RPL23A: variants seen among roughly 807,000 people sequenced by gnomAD.
RPL23A encodes the protein ribosomal protein L23a.
RPL23A carries 2 observed loss-of-function variants against 17.6 expected under a neutral mutation model. The observed-to-expected ratio is 0.11, with a 90% CI of 0.05 to 0.36. The LOEUF (loss-of-function observed/expected upper bound fraction) is 0.36, where lower values mean the gene tolerates loss of function less well. Ranked by LOEUF, RPL23A falls within the 10% of genes least tolerant of loss-of-function variation. The pLI is 1.00. For synonymous variants in RPL23A, 65 were observed against 74.3 expected, an observed-to-expected ratio of 0.87 and a Z score of 0.65; for missense variants, 132 against 194.4, an observed-to-expected ratio of 0.68 and a Z score of 1.91.
At chr17:28,723,076 T>C (rs1218025632) in intron 3 of RPL23A, among the ~76,000 whole-genome samples, 177 bp downstream of exon 3, 4 of 150,608 alleles carry the variant, frequency 2.7e-5, no homozygotes, top group Admixed American at 2.0e-4. Flanking sequence ...GATTGCCCCA[T>C]TGTACTCCAG....
intron 1 of RPL23A, 183 bp downstream of exon 1, chr17:28,720,213 G>T (rs2034081906): frequency 1.3e-6 from 2 of 1,535,912 alleles, no homozygotes; most frequent in Non-Finnish European, 1.8e-6. Flanking sequence ...GCTGAGTTCC[G>T]GTAGAGGGAG....
At chr17:28,720,347 C>T in intron 1 of RPL23A, 2 of 1,552,238 alleles carry the variant, frequency 1.3e-6, no homozygotes, top group Non-Finnish European at 8.7e-7. Context: ...TTAGTGCCCT[C>T]AGCTTTAACC....
rs149030616 is a variant in RPL23A at position 28,724,042 on chromosome 17, C to T, written c.*161C>T. ...TGTTCTACTTATCCTTTTGAAATACCTCACCCTGCCACTCCACCATGTATG... is the reference window on the plus strand; with the variant it reads ...TGTTCTACTTATCCTTTTGAAATACTTCACCCTGCCACTCCACCATGTATG... On this transcript the variant is annotated 3_prime_UTR_variant, in exon 5 of 5. Transcript: ENST00000422514. 7.1e-6 allele frequency: 4 copies of T among 561,898 alleles called. No individual in the cohort carries two copies. In the East Asian group the frequency reaches 8.8e-5, roughly 12 times the overall value. 34.8% of individuals were successfully genotyped at this position (561,898 alleles called of 1,614,324 possible). A position where few individuals can be genotyped will look rare whatever the true frequency, so the allele number is the denominator to read the frequency against.
At chr17:28,723,254 G>T in intron 3 of RPL23A, 1 of 554,628 alleles carries the variant, frequency 1.8e-6, no homozygotes, top group Non-Finnish European at 3.3e-6. Flanking sequence ...CCTTTGTGTG[G>T]ACCTGAGGCT....
In RPL23A at chr17:28,720,428, G is replaced by T. The variant is rs770919860; in HGVS notation, c.26-279G>T. 4 of 1,609,574 alleles carry T rather than the reference G, an allele frequency of 2.5e-6. No individual in the cohort carries two copies. The South Asian group carries it at 4.4e-5, about 18-fold the overall frequency. On this transcript the variant is annotated intron_variant, in intron 1 of 4. Transcript: ENST00000422514. ...TCTCTCCGCAGCGTGGTTTTGCGAT[G>T]GGGTATGTGTAAAATTCGTAGGACA...
chr17:28,720,066 G>C, intron 1 of RPL23A, 36 bp downstream of exon 1: 2 of 1,550,590 alleles, frequency 1.3e-6, no homozygotes, highest in Non-Finnish European at 1.7e-6. Flanking sequence ...CTGGTTTACC[G>C]GGGATTGCCG....
Position 28,720,695 on chromosome 17 carries a change from C to G in RPL23A, c.26-12C>G, listed in dbSNP as rs533444913. 1.2e-6 allele frequency: 2 copies of G among 1,614,096 alleles called. No homozygotes were observed. The highest frequency in any genetic ancestry group is 3.3e-5 in the Admixed American group (2 of 60,014). On this transcript the variant is annotated splice_polypyrimidine_tract_variant and intron_variant, in intron 1 of 4. Transcript: ENST00000422514. ...AAATCCCGCACCCACGTTTTCTTTC[C>G]TTTTCTCCCAGCTCCTGCCCCTCCT...
At position 28,720,119 on chromosome 17, in the gene RPL23A, G is replaced by T. The variant is rs2034075871; in HGVS notation, c.25+89G>T. On this transcript the variant is annotated intron_variant, in intron 1 of 4. Transcript: ENST00000422514. ...ATTGGGAACACGGCTGCTGGGCTAA[G>T]CCCTGAGGGCTCTGCTCCGGGGCTG... 3 of 1,536,384 alleles carry T rather than the reference G, an allele frequency of 2.0e-6. No individual in the cohort carries two copies. The Admixed American group carries it at 5.9e-5, about 30-fold the overall frequency.
chr17:28,722,584 T>G (rs1016060713), intron 2 of RPL23A, 139 bp from the exon 3 acceptor site: 5 of 796,494 alleles, frequency 6.3e-6, no homozygotes, highest in Non-Finnish European at 9.2e-6. Flanking sequence ...GATTTCAGGG[T>G]GCAGATGATG....
At chr17:28,723,425 C>G (rs762345654) in intron 3 of RPL23A, 146 bp from the exon 4 acceptor site, 4 of 784,390 alleles carry the variant, frequency 5.1e-6, no homozygotes, top group Non-Finnish European at 9.4e-6. Context: ...TCATGGTGTC[C>G]TCTGGGCTAA....
At chr17:28,723,831 T>G in intron 4 of RPL23A, 36 bp from the exon 5 acceptor site, 8 of 1,594,242 alleles carry the variant, frequency 5.0e-6, no homozygotes, top group Non-Finnish European at 6.9e-6. Context: ...TCTTCATATT[T>G]CAACTCCAGT....
At chr17:28,721,001 G>A (rs1404877571) in intron 2 of RPL23A, 111 bp downstream of exon 2, 8 of 916,912 alleles carry the variant, frequency 8.7e-6, no homozygotes, top group Non-Finnish European at 1.4e-5. Flanking sequence ...TGTCCAGTGT[G>A]CTTCTCTAAT....
intron 1 of RPL23A, 120 bp downstream of exon 1, chr17:28,720,150 T>G: frequency 2.6e-6 from 4 of 1,528,262 alleles, no homozygotes; most frequent in Non-Finnish European, 3.5e-6. Context: ...GGCTGCTCCC[T>G]GCGTTTCGGA....
chr17:28,722,213 C>T (rs937117148), intron 2 of RPL23A, among the ~76,000 whole-genome samples: 15 of 149,124 alleles, frequency 1.0e-4, no homozygotes, highest in African/African-American at 3.5e-4. Context: ...CCTGTCACTG[C>T]ACTCCAGCCT....
intron 2 of RPL23A, chr17:28,721,907 T>C (rs1290432587): frequency 6.6e-6 from 1 of 152,194 alleles, no homozygotes; most frequent in Non-Finnish European, 1.5e-5. Context: ...GTTACAGTTG[T>C]GCTTAAGCCA....
At chr17:28,721,436 T>A (rs2034113074) in intron 2 of RPL23A, 1 of 156,648 alleles carries the variant, frequency 6.4e-6, no homozygotes, top group Non-Finnish European at 1.4e-5. Context: ...AAAACTTATT[T>A]TGGGGGGAGT....
intron 2 of RPL23A, 199 bp downstream of exon 2, chr17:28,721,089 C>T (rs576647234): frequency 1.8e-5 from 9 of 503,218 alleles, no homozygotes; most frequent in Non-Finnish European, 3.2e-5. Flanking sequence ...CGGTGGCTCA[C>T]GTCTGTAATC....
intron 1 of RPL23A, chr17:28,720,383 C>T (rs1212329283): frequency 5.7e-6 from 9 of 1,571,648 alleles, no homozygotes; most frequent in South Asian, 3.4e-5. Flanking sequence ...CATGTTCAAC[C>T]GGGCTACATT....
intron 3 of RPL23A, 107 bp from the exon 4 acceptor site, chr17:28,723,464 T>C (rs762648333): frequency 1.2e-6 from 1 of 836,936 alleles, no homozygotes. Context: ...TGGAAAAGAA[T>C]GACATGAACA....
Sources: allele counts gnomAD v4.1 joint callset (sites outside exome capture counted in the v4.1 genomes callset), GRCh38; gene constraint gnomAD v4.1.1; transcripts MANE v1.5; gene names NCBI Gene and HGNC (gene_info 2026-07-23, HGNC 2026-07-21).